Variants in HESX1 observed in about 807,000 individuals in gnomAD.
HESX1 encodes homeobox expressed in ES cells 1.
A neutral mutation model predicts 22.5 loss-of-function variants in HESX1; 11 were observed. That is an observed-to-expected ratio of 0.49 (90% CI 0.31 to 0.81). HESX1 has a LOEUF of 0.81. Ranked by LOEUF, HESX1 falls within the 30% of genes least tolerant of loss-of-function variation. The pLI is 0.05. For synonymous variants in HESX1, 74 were observed against 76.5 expected (o/e 0.97, Z 0.17); for missense variants, 201 against 212.6 (o/e 0.95, Z 0.34).
chr3:57,199,264 T>A (rs1177098869), intron 1 of HESX1, among the ~76,000 whole-genome samples: 1 of 152,208 alleles, frequency 6.6e-6, no homozygotes, highest in Non-Finnish European at 1.5e-5. Context: ...TTATCCACTT[T>A]GCTCAATCCA....
At chr3:57,224,266 G>A (rs1272333070) in intron 1 of HESX1, among the ~76,000 whole-genome samples, 1 of 152,160 alleles carries the variant, frequency 6.6e-6, no homozygotes, top group African/African-American at 2.4e-5. Context: ...TTACAGGCAT[G>A]AGCCACTGCA....
At chr3:57,202,736 A>G (rs1461466606), upstream of HESX1, among the ~76,000 whole-genome samples, 1 of 152,216 alleles carries the variant, frequency 6.6e-6, no homozygotes. Context: ...ATGGCATGAT[A>G]AATACATTGA....
At chr3:57,223,088 C>T (rs1335010388) in intron 1 of HESX1, among the ~76,000 whole-genome samples, 1 of 152,152 alleles carries the variant, frequency 6.6e-6, no homozygotes, top group Non-Finnish European at 1.5e-5. Context: ...CTTAACAATA[C>T]TATTAATGTA....
chr3:57,204,738 A>G (rs1464210401), upstream of HESX1, among the ~76,000 whole-genome samples: 2 of 151,216 alleles, frequency 1.3e-5, no homozygotes, highest in Non-Finnish European at 3.0e-5. Flanking sequence ...GGTAGAGGCT[A>G]TAGTGAGCTG....
At chr3:57,199,631 AAAAAT>A in intron 1 of HESX1, 126 bp downstream of exon 1, 4 of 547,848 alleles carry the variant, frequency 7.3e-6, no homozygotes, top group Non-Finnish European at 1.0e-5. Context: ...GAAAAAAAAA[AAAAAT>A]AATAAATAAT....
intron 1 of HESX1, among the ~76,000 whole-genome samples, chr3:57,224,516 TC>T (rs2107587865): frequency 6.6e-6 from 1 of 152,286 alleles, no homozygotes; most frequent in Non-Finnish European, 1.5e-5. Context: ...ATAGAGTTTT[TC>T]CTCATGTGGT....
intron 1 of HESX1, among the ~76,000 whole-genome samples, chr3:57,211,428 G>A (rs2060552853): frequency 6.6e-6 from 1 of 150,558 alleles, no homozygotes; most frequent in Non-Finnish European, 1.5e-5. Context: ...TACTCAGGAG[G>A]CTCAGGTGGG....
chr3:57,224,974 C>T (rs1015114389), intron 1 of HESX1, among the ~76,000 whole-genome samples: 5 of 152,072 alleles, frequency 3.3e-5, no homozygotes, highest in African/African-American at 4.8e-5. Flanking sequence ...AACCAGTTGC[C>T]CAAAGTTTTT....
At chr3:57,227,600 C>A, upstream of HESX1, 1 of 298,112 alleles carries the variant, frequency 3.4e-6, no homozygotes, top group Non-Finnish European at 6.2e-6. Context: ...TTCCGACGCC[C>A]GCGCTCGCGG....
chr3:57,217,528 C>A (rs572124250), intron 1 of HESX1, among the ~76,000 whole-genome samples: 3 of 152,254 alleles, frequency 2.0e-5, no homozygotes, highest in African/African-American at 7.2e-5. Context: ...CACTTGAGGA[C>A]CAATCCCCTG....
intron 1 of HESX1, among the ~76,000 whole-genome samples, chr3:57,222,736 G>A (rs893903594): frequency 1.1e-4 from 16 of 152,020 alleles, no homozygotes. Flanking sequence ...CAATAATCTT[G>A]GCTATTTTGG....
chr3:57,224,618 T>A (rs1230429164), intron 1 of HESX1, among the ~76,000 whole-genome samples: 1 of 152,182 alleles, frequency 6.6e-6, no homozygotes, highest in Non-Finnish European at 1.5e-5. Flanking sequence ...GGCTCAGGAA[T>A]CTGTATGCTA....
chr3:57,207,869 G>A (rs1005961339), intron 1 of HESX1, among the ~76,000 whole-genome samples: 3 of 152,138 alleles, frequency 2.0e-5, no homozygotes, highest in Non-Finnish European at 2.9e-5. Context: ...TCATGAGAGC[G>A]CCCTTTCCCA....
chr3:57,219,378 T>C (rs1477299709), intron 1 of HESX1, among the ~76,000 whole-genome samples: 1 of 151,962 alleles, frequency 6.6e-6, no homozygotes, highest in Non-Finnish European at 1.5e-5. Context: ...ACTTTTTCTT[T>C]TTTTTTTGAG....
upstream of HESX1, among the ~76,000 whole-genome samples, chr3:57,202,140 C>T (rs755606615): frequency 9.2e-5 from 14 of 151,930 alleles, no homozygotes; most frequent in Non-Finnish European, 2.1e-4. Context: ...AGGATGGTCT[C>T]GATATCCTGA....
At position 57,197,945 on chromosome 3, in the gene HESX1, A is replaced by G. The variant is rs1465330295; in HGVS notation, c.*252T>C. 2.2e-5 allele frequency: 7 copies of G among 315,864 alleles called. No homozygotes were observed. The highest frequency in any genetic ancestry group is 1.0e-3 in the Middle Eastern group (1 of 982). 19.6% of individuals were successfully genotyped at this position (315,864 alleles called of 1,614,324 possible). A position where few individuals can be genotyped will look rare whatever the true frequency, so the allele number is the denominator to read the frequency against. Reference sequence around the variant, plus strand: ...TTTTAACAAACTAATTTATTAGATTAATTTGGCTTACTTAAAAAATAGCAA... The same window carrying G: ...TTTTAACAAACTAATTTATTAGATTGATTTGGCTTACTTAAAAAATAGCAA... On this transcript the variant is annotated 3_prime_UTR_variant, in exon 4 of 4. Coordinates refer to ENST00000295934, the MANE Select transcript of HESX1 (RefSeq NM_003865.3).
intron 1 of HESX1, among the ~76,000 whole-genome samples, chr3:57,225,489 G>A (rs979313938): frequency 2.0e-5 from 3 of 152,044 alleles, no homozygotes; most frequent in African/African-American, 7.2e-5. Context: ...AACTACAGGC[G>A]TGTGCCACCA....
At chr3:57,199,079 A>C (rs1279965729) in intron 1 of HESX1, 127 bp from the exon 2 acceptor site, 1 of 815,054 alleles carries the variant, frequency 1.2e-6, no homozygotes, top group East Asian at 2.5e-5. Context: ...AGAGAATTGC[A>C]CCCCGTTAAC....
At chr3:57,209,673 A>AAC (rs2060541508) in intron 1 of HESX1, among the ~76,000 whole-genome samples, 1 of 53,006 alleles carries the variant, frequency 1.9e-5, no homozygotes, top group Admixed American at 2.8e-4. Context: ...CTCCATCTCA[A>AAC]AAAAAAAAAA....
Sources: gnomAD v4.1 joint callset for allele counts (sites outside exome capture counted in the v4.1 genomes callset) on GRCh38, gnomAD v4.1.1 for gene constraint, MANE v1.5 for transcripts, NCBI Gene and HGNC (gene_info 2026-07-23, HGNC 2026-07-21) for gene names.